PDE4D: variants seen among roughly 807,000 people sequenced by gnomAD.
PDE4D encodes the protein phosphodiesterase 4D.
A neutral mutation model predicts 87.4 loss-of-function variants in PDE4D; 24 were observed. The observed-to-expected ratio is 0.27, with a 90% confidence interval of 0.20 to 0.39. The LOEUF (loss-of-function observed/expected upper bound fraction) is 0.39. Among genes scored for constraint, PDE4D ranks in the 10% least tolerant of loss-of-function variants. The pLI is 1.00. For missense variants in PDE4D, 714 were observed against 1,041.0 expected (o/e 0.69, Z 4.32); for synonymous variants, 384 against 383.2 (o/e 1.00, Z -0.02).
chr5:59,532,200 T>C (rs1006327005), intron 1 of PDE4D, among the ~76,000 whole-genome samples: 1 of 152,176 alleles, frequency 6.6e-6, no homozygotes, highest in Non-Finnish European at 1.5e-5. Flanking sequence ...CGTGGCGTTA[T>C]CTCAGCACAC....
chr5:60,389,495 C>T (rs1346058086), intron 1 of PDE4D, among the ~76,000 whole-genome samples: 1 of 152,170 alleles, frequency 6.6e-6, no homozygotes, highest in Non-Finnish European at 1.5e-5. Flanking sequence ...CTGTTACAAT[C>T]GTTCACATAT....
At position 59,892,081 on chromosome 5, in the gene PDE4D, T is replaced by G. The variant is rs573944732; in HGVS notation, c.455+1087A>C. The stretch of plus-strand genomic sequence containing the variant: ...CTGAAATCTTTTTCCTGTGCCTGTG[T>G]GGGGGAGGGGATTCACGGCGTGGAA... On this transcript the variant is annotated intron_variant, in intron 1 of 14. Coordinates refer to ENST00000340635, the MANE Select transcript of PDE4D (RefSeq NM_001104631.2). 2.0e-5 allele frequency among the ~76,000 whole-genome samples: 3 copies of G among 152,122 alleles called. No individual in the cohort carries two copies. The East Asian group carries it at 5.8e-4, about 29-fold the overall frequency.
Position 59,482,497 on chromosome 5 carries a change from T to C in PDE4D, c.456-266529A>G, listed in dbSNP as rs1234294414. Among the ~76,000 whole-genome samples the C allele has an allele frequency of 2.6e-5, 4 of 152,186 alleles. No homozygotes were observed. The East Asian group carries it at 7.7e-4, about 29-fold the overall frequency. On this transcript the variant is annotated intron_variant, in intron 1 of 14. Transcript: ENST00000340635. ...AGATATTCAGGCAAAATCATCCCTG[T>C]AGTGATAAAAGAATATGCCCTTAGA...
At chr5:60,291,915 C>T (rs1349539802) in intron 1 of PDE4D, among the ~76,000 whole-genome samples, 2 of 151,960 alleles carry the variant, frequency 1.3e-5, no homozygotes, top group Non-Finnish European at 1.5e-5. Context: ...ATGACCAATA[C>T]AATAAAAGAA....
chr5:59,418,648 A>ATT (rs568454055), intron 1 of PDE4D, among the ~76,000 whole-genome samples: 153 of 149,498 alleles, frequency 1.0e-3, no homozygotes, highest in African/African-American at 3.6e-3. Context: ...TTACCTAACA[A>ATT]TTTTTTTTTT....
At chr5:59,875,963 C>A (rs1748541022) in intron 1 of PDE4D, among the ~76,000 whole-genome samples, 1 of 151,976 alleles carries the variant, frequency 6.6e-6, no homozygotes, top group African/African-American at 2.4e-5. Context: ...CTATTGGAGG[C>A]TGGAGGGTGG....
At chr5:58,985,924 C>T (rs903299774) in intron 11 of PDE4D, among the ~76,000 whole-genome samples, 2 of 152,204 alleles carry the variant, frequency 1.3e-5, no homozygotes, top group Non-Finnish European at 2.9e-5. Context: ...ACCAAACTAA[C>T]TAAGGCTGTA....
At chr5:59,421,520 A>G (rs1272758275) in intron 1 of PDE4D, among the ~76,000 whole-genome samples, 1 of 152,146 alleles carries the variant, frequency 6.6e-6, no homozygotes, top group Non-Finnish European at 1.5e-5. Context: ...ATGATGAGAG[A>G]CAGTGTTAAG....
At chr5:60,475,223 T>C (rs1748219047) in intron 1 of PDE4D, among the ~76,000 whole-genome samples, 2 of 152,166 alleles carry the variant, frequency 1.3e-5, no homozygotes, top group African/African-American at 4.8e-5. Context: ...GCTCAGTTTC[T>C]TCTTCCATCT....
At chr5:60,045,315 C>T (rs1296786410) in intron 2 of PDE4D, among the ~76,000 whole-genome samples, 4 of 151,954 alleles carry the variant, frequency 2.6e-5, no homozygotes, top group African/African-American at 9.7e-5. Flanking sequence ...TGTAGGTTGC[C>T]TGTTCACTCT....
intron 2 of PDE4D, among the ~76,000 whole-genome samples, chr5:60,123,668 T>C (rs1196226811): frequency 6.6e-6 from 1 of 152,072 alleles, no homozygotes; most frequent in Non-Finnish European, 1.5e-5. Flanking sequence ...CAAAGTCTTC[T>C]TGATATGCAG....
chr5:59,111,519 G>T (rs1268583714), intron 5 of PDE4D, among the ~76,000 whole-genome samples: 2 of 152,042 alleles, frequency 1.3e-5, no homozygotes, highest in Non-Finnish European at 2.9e-5. Context: ...ATGTACAACT[G>T]GCCATTTATA....
intron 5 of PDE4D, among the ~76,000 whole-genome samples, chr5:59,151,184 A>G (rs1779430469): frequency 6.6e-6 from 1 of 152,174 alleles, no homozygotes; most frequent in Non-Finnish European, 1.5e-5. Context: ...GACGTTTGTG[A>G]ATTACTATGT....
At chr5:59,923,961 G>A (rs1166626528) in intron 3 of PDE4D, among the ~76,000 whole-genome samples, 1 of 152,176 alleles carries the variant, frequency 6.6e-6, no homozygotes, top group Admixed American at 6.5e-5. Flanking sequence ...TAGCTGTTTT[G>A]AGAAAACTCA....
chr5:59,200,586 C>T (rs547814473), intron 2 of PDE4D, among the ~76,000 whole-genome samples: 1 of 129,570 alleles, frequency 7.7e-6, no homozygotes, highest in African/African-American at 3.1e-5. Context: ...TACAGCTACA[C>T]GTATACATAC....
intron 1 of PDE4D, among the ~76,000 whole-genome samples, chr5:59,338,784 C>T (rs1031605325): frequency 1.3e-5 from 2 of 152,098 alleles, no homozygotes; most frequent in Middle Eastern, 3.2e-3. Context: ...AAATAACTTG[C>T]TTTTTTACTT....
At chr5:59,398,130 C>G (rs1789850735) in intron 1 of PDE4D, among the ~76,000 whole-genome samples, 1 of 147,742 alleles carries the variant, frequency 6.8e-6, no homozygotes, top group Non-Finnish European at 1.5e-5. Context: ...GATGGATTCA[C>G]AGCCAAATTC....
intron 1 of PDE4D, among the ~76,000 whole-genome samples, chr5:60,355,584 G>A (rs1759552545): frequency 6.6e-6 from 1 of 152,120 alleles, no homozygotes; most frequent in East Asian, 1.9e-4. Context: ...ATTAACCCAC[G>A]TGTAGTCAAA....
chr5:59,421,374 G>T (rs1794460931), intron 1 of PDE4D, among the ~76,000 whole-genome samples: 1 of 152,114 alleles, frequency 6.6e-6, no homozygotes, highest in African/African-American at 2.4e-5. Flanking sequence ...AAAGACCTTT[G>T]GGGTGGATTA....
Sources: allele counts gnomAD v4.1 joint callset (sites outside exome capture counted in the v4.1 genomes callset), GRCh38; gene constraint gnomAD v4.1.1; transcripts MANE v1.5; gene names NCBI Gene and HGNC (gene_info 2026-07-23, HGNC 2026-07-21).